The following CD6 variants were observed in gnomAD, a reference collection of about 807,000 sequenced individuals.
CD6 encodes T-cell differentiation antigen CD6.
CD6 carries 53 observed loss-of-function variants against 75.3 expected under a neutral mutation model. That is an observed-to-expected ratio of 0.70 (90% CI 0.56 to 0.88). The LOEUF is 0.88. Among genes scored for constraint, CD6 ranks in the 40% least tolerant of loss-of-function variants. CD6 has a pLI of 0.00. For synonymous variants in CD6, 359 were observed against 381.5 expected (o/e 0.94, Z 0.69); for missense variants, 770 against 897.1 (o/e 0.86, Z 1.81).
chr11:61,012,195 G>C (rs1170165466), intron 6 of CD6, among the ~76,000 whole-genome samples: 1 of 152,176 alleles, frequency 6.6e-6, no homozygotes, highest in Non-Finnish European at 1.5e-5. Context: ...ACAGGCTGCC[G>C]GGCAAGCTCC....
At position 61,006,581 on chromosome 11, in the gene CD6, A is replaced by C. The variant is rs762942103; in HGVS notation, c.57A>C (p.Pro19=). ...GLLTAALSGH[P]SPAPPDQLNT... ...GCTGCTGGTTCATTTCAGGTCATCC[A>C]TCTCCAGCCCCACCTGACCAGCTCA... Residue 19 remains proline (P), a synonymous_variant, in exon 2 of 13, where the codon CCA becomes CCC. Transcript: ENST00000313421. The C allele has an allele frequency of 1.2e-6, 2 of 1,606,440 alleles. No individual in the cohort carries two copies. The highest frequency in any genetic ancestry group is 2.3e-5 in the South Asian group (2 of 88,888).
chr11:60,995,427 G>C (rs1286409002), intron 1 of CD6, among the ~76,000 whole-genome samples: 1 of 152,164 alleles, frequency 6.6e-6, no homozygotes, highest in South Asian at 2.1e-4. Flanking sequence ...TTACAGATGT[G>C]AGCCACCAGG....
chr11:61,001,349 C>T (rs1363668927), intron 1 of CD6, among the ~76,000 whole-genome samples: 1 of 151,938 alleles, frequency 6.6e-6, no homozygotes, highest in Non-Finnish European at 1.5e-5. Flanking sequence ...ACTACAGGCA[C>T]CTGCCACCAC....
chr11:61,010,023 A>T, intron 5 of CD6, 149 bp downstream of exon 5: 1 of 717,312 alleles, frequency 1.4e-6, no homozygotes, highest in Non-Finnish European at 2.2e-6. Flanking sequence ...TACGGTGCCC[A>T]GGCAGACAGT....
intron 1 of CD6, among the ~76,000 whole-genome samples, chr11:60,986,992 G>A (rs1857844378): frequency 1.3e-5 from 2 of 152,304 alleles, no homozygotes; most frequent in South Asian, 4.1e-4. Flanking sequence ...GTTGGGTGAG[G>A]TGGCACGCGC....
chr11:61,016,051 A>G (rs1859389933), intron 9 of CD6, among the ~76,000 whole-genome samples: 1 of 152,082 alleles, frequency 6.6e-6, no homozygotes, highest in African/African-American at 2.4e-5. Context: ...GGACATCTCC[A>G]CTCTGACCTC....
chr11:60,974,602 T>C (rs1402218815), intron 1 of CD6, among the ~76,000 whole-genome samples: 1 of 152,204 alleles, frequency 6.6e-6, no homozygotes, highest in Non-Finnish European at 1.5e-5. Context: ...TCTGCCCAGG[T>C]GGCCCGGGTG....
chr11:61,008,470 C>A, intron 3 of CD6, 64 bp from the exon 4 acceptor site: 1 of 1,436,704 alleles, frequency 7.0e-7, no homozygotes. Flanking sequence ...CCAGTCCAAC[C>A]ATCACCCCAA....
intron 8 of CD6, among the ~76,000 whole-genome samples, chr11:61,014,857 G>C (rs7102626): frequency 0.16 from 24,652 of 152,144 alleles, 2,343 homozygotes; most frequent in African/African-American, 0.27. Context: ...ACCTTTATCG[G>C]AAAGAGTTCA....
At position 60,976,494 on chromosome 11, in the gene CD6, C is replaced by A. The variant is rs570203023; in HGVS notation, c.49+4580C>A. On this transcript the variant is annotated intron_variant, in intron 1 of 12. Transcript: ENST00000313421. ...AGCTTGACCCAACTTACATTTAACA[C>A]CATTGGATATATACTATGAGTGTTT... is the stretch of plus-strand genomic sequence containing the variant. 2.9e-3 allele frequency among the ~76,000 whole-genome samples: 444 copies of A among 152,260 alleles called. 5 individuals are homozygous for A. Among genetic ancestry groups the A allele is most frequent in the African/African-American group, 9.3e-3 (387 of 41,534 alleles).
At chr11:60,999,493 G>C (rs1451681414) in intron 1 of CD6, among the ~76,000 whole-genome samples, 1 of 151,622 alleles carries the variant, frequency 6.6e-6, no homozygotes. Context: ...AAACATGGCG[G>C]GGGGTGAGGA....
At chr11:60,989,760 C>G (rs1857986367) in intron 1 of CD6, among the ~76,000 whole-genome samples, 1 of 152,204 alleles carries the variant, frequency 6.6e-6, no homozygotes, top group Non-Finnish European at 1.5e-5. Flanking sequence ...AATCCCTGCT[C>G]TGCCTCTTAG....
intron 1 of CD6, among the ~76,000 whole-genome samples, chr11:60,980,219 A>C (rs1857509178): frequency 6.6e-6 from 1 of 152,244 alleles, no homozygotes. Flanking sequence ...ATAAGAAGTT[A>C]AGGGGGAAAA....
At chr11:61,015,902 G>A (rs541081910) in intron 9 of CD6, 67 bp downstream of exon 9, 291 of 1,587,272 alleles carry the variant, frequency 1.8e-4, no homozygotes, top group African/African-American at 8.7e-4. Flanking sequence ...CGAGGGGACC[G>A]TCAGGTCAGT....
Position 61,008,552 on chromosome 11 carries a change from T to C in CD6, c.488T>C (p.Leu163Pro). Residue 163 changes from leucine (L) to proline (P), a missense_variant, in exon 4 of 13, where the codon CTG becomes CCG. Transcript: ENST00000313421. ...CCCCTAGAGAACCGCGCGCTGCGCC[T>C]GGTGGACGGTGGCGGCGCCTGCGCC... ...VTCAENRALRLVDGGGACAGR... is the reference protein window; with the variant it reads ...VTCAENRALRPVDGGGACAGR... 1.2e-6 allele frequency: 2 copies of C among 1,603,892 alleles called. No homozygotes were observed. The highest frequency in any genetic ancestry group is 1.7e-6 in the Non-Finnish European group (2 of 1,175,540).
chr11:61,006,772 A>G, intron 2 of CD6, 130 bp downstream of exon 2: 1 of 716,340 alleles, frequency 1.4e-6, no homozygotes, highest in Admixed American at 2.2e-5. Flanking sequence ...CTTCTTCCTG[A>G]CCCATCACCT....
In CD6 at chr11:60,984,433, G is replaced by A. The variant is rs182244913; in HGVS notation, c.49+12519G>A. Reference sequence around the variant, plus strand: ...CCTCTGGTGGCTGCTGTCTTGCCCCGCCTCGGATATTGGAGTCCGGGTCAG... The same window carrying A: ...CCTCTGGTGGCTGCTGTCTTGCCCCACCTCGGATATTGGAGTCCGGGTCAG... On this transcript the variant is annotated intron_variant, in intron 1 of 12. Transcript: ENST00000313421. 5.3e-5 allele frequency among the ~76,000 whole-genome samples: 8 copies of A among 152,204 alleles called. No homozygotes were observed. The East Asian group carries it at 5.8e-4, about 11-fold the overall frequency.
chr11:60,996,745 C>A (rs1858318127), intron 1 of CD6, among the ~76,000 whole-genome samples: 1 of 152,222 alleles, frequency 6.6e-6, no homozygotes, highest in Non-Finnish European at 1.5e-5. Context: ...TGCTCCAGAG[C>A]AGCAGCTGGA....
At chr11:60,972,510 C>A (rs1432951417) in intron 1 of CD6, among the ~76,000 whole-genome samples, 1 of 152,188 alleles carries the variant, frequency 6.6e-6, no homozygotes, top group Non-Finnish European at 1.5e-5. Flanking sequence ...AGGCACCTGG[C>A]CACCTGGGCC....
Sources: gnomAD v4.1 joint callset for allele counts (sites outside exome capture counted in the v4.1 genomes callset) on GRCh38, gnomAD v4.1.1 for gene constraint, MANE v1.5 for transcripts, NCBI Gene and HGNC (gene_info 2026-07-23, HGNC 2026-07-21) for gene names.